TANC2: variants seen among roughly 807,000 people sequenced by gnomAD.
TANC2 encodes tetratricopeptide repeat, ankyrin repeat and coiled-coil containing 2, also known as protein TANC2.
TANC2 carries 26 observed loss-of-function variants against 210.5 expected under a neutral mutation model. That is an observed-to-expected ratio of 0.12 (90% confidence interval 0.09 to 0.17). TANC2 has a LOEUF of 0.17. Among genes scored for constraint, TANC2 ranks in the 10% least tolerant of loss-of-function variants. The pLI, the probability that TANC2 is intolerant of heterozygous loss-of-function variation, is 1.00. For missense variants in TANC2, 2,129 were observed against 2,608.9 expected (o/e 0.82, Z 4.01); for synonymous variants, 931 against 967.1 (o/e 0.96, Z 0.69).
intron 8 of TANC2, among the ~76,000 whole-genome samples, chr17:63,251,473 A>G (rs1214609717): frequency 6.6e-6 from 1 of 152,186 alleles, no homozygotes. Flanking sequence ...GATCTTTCCA[A>G]TATTTGTCTC....
At chr17:62,986,833 A>T (rs1341420168) in intron 1 of TANC2, among the ~76,000 whole-genome samples, 6 of 151,970 alleles carry the variant, frequency 3.9e-5, no homozygotes, top group Non-Finnish European at 8.8e-5. Context: ...ATTACCAGAC[A>T]GAGTGGCCTG....
intron 8 of TANC2, among the ~76,000 whole-genome samples, chr17:63,251,800 C>A (rs541406224): frequency 3.9e-5 from 6 of 152,196 alleles, no homozygotes; most frequent in African/African-American, 1.4e-4. Context: ...TCACTCAGTT[C>A]AGTGATGGCA....
intron 9 of TANC2, among the ~76,000 whole-genome samples, chr17:63,281,873 C>T (rs1380431909): frequency 2.6e-5 from 4 of 151,930 alleles, no homozygotes; most frequent in Admixed American, 6.6e-5. Flanking sequence ...GCTGTATAAG[C>T]CAAAGAACAC....
At chr17:63,032,921 C>T (rs766650455) in intron 2 of TANC2, among the ~76,000 whole-genome samples, 26 of 152,280 alleles carry the variant, frequency 1.7e-4, no homozygotes, top group African/African-American at 5.8e-4. Context: ...CTTCTTCTGA[C>T]CTACAAGCTA....
intron 1 of TANC2, among the ~76,000 whole-genome samples, chr17:62,996,994 T>TTTTTTTTTTTTTTTTTTTTTTTTTTG (rs2033144497): frequency 9.7e-5 from 14 of 143,746 alleles, no homozygotes; most frequent in Non-Finnish European, 1.5e-4. Flanking sequence ...TTTGTATTTT[T>TTTTTTTTTTTTTTTTTTTTTTTTTTG]AGTATAGATG....
Position 63,348,701 on chromosome 17 carries a change from C to G in TANC2, c.1808-2549C>G, listed in dbSNP as rs114381366. ...TGTTCTTACATGGCAAAATACGAAGCAGCAATCCTTTGTTAGTCCCCAATT... is the reference window on the plus strand; with the variant it reads ...TGTTCTTACATGGCAAAATACGAAGGAGCAATCCTTTGTTAGTCCCCAATT... On this transcript the variant is annotated intron_variant, in intron 12 of 27. Coordinates refer to ENST00000689528, the Ensembl canonical transcript of TANC2. Among the ~76,000 whole-genome samples the G allele has an allele frequency of 3.6e-3, 547 of 152,190 alleles. 6 individuals carry two copies. Among genetic ancestry groups the G allele is most frequent in the African/African-American group, 0.013 (539 of 41,522 alleles).
In TANC2 at chr17:63,216,848, A is replaced by G. The variant is rs145937028; in HGVS notation, c.769+15891A>G. Among the ~76,000 whole-genome samples, 75 of 152,328 alleles carry G rather than the reference A, an allele frequency of 4.9e-4. No individual in the cohort carries two copies. The East Asian group carries it at 0.012, about 24-fold the overall frequency. ...ATTCTGGTCTGTAAGACAAGTCTCA[A>G]TAAACTTAAGTGGACTCAAACTAAA... On this transcript the variant is annotated intron_variant, in intron 7 of 27. Coordinates refer to ENST00000689528, the Ensembl canonical transcript of TANC2.
intron 1 of TANC2, among the ~76,000 whole-genome samples, chr17:62,975,360 A>G (rs1013888671): frequency 6.6e-6 from 1 of 152,070 alleles, no homozygotes; most frequent in African/African-American, 2.4e-5. Flanking sequence ...CTGTAATTCT[A>G]TTTCTGTTCA....
chr17:63,359,923 A>G (rs1224361760), intron 14 of TANC2, among the ~76,000 whole-genome samples: 1 of 152,184 alleles, frequency 6.6e-6, no homozygotes, highest in African/African-American at 2.4e-5. Flanking sequence ...ATTGCTTATA[A>G]TAAGTGGTTT....
chr17:63,044,014 T>C (rs2035287644), intron 2 of TANC2, among the ~76,000 whole-genome samples: 3 of 152,194 alleles, frequency 2.0e-5, no homozygotes, highest in Admixed American at 2.0e-4. Flanking sequence ...GAATCTCATG[T>C]CACTTAAATT....
At chr17:63,283,297 T>G (rs2044117257) in intron 9 of TANC2, among the ~76,000 whole-genome samples, 1 of 152,024 alleles carries the variant, frequency 6.6e-6, no homozygotes, top group Admixed American at 6.6e-5. Context: ...GTTCTATTTC[T>G]GGACTTCTGT....
intron 4 of TANC2, among the ~76,000 whole-genome samples, chr17:63,128,104 A>G (rs2038778403): frequency 6.6e-6 from 1 of 152,220 alleles, no homozygotes; most frequent in Non-Finnish European, 1.5e-5. Context: ...GAAAGCACCT[A>G]TAAAAGAGTT....
chr17:63,181,495 A>G (rs1410693559), intron 5 of TANC2, among the ~76,000 whole-genome samples: 1 of 152,234 alleles, frequency 6.6e-6, no homozygotes, highest in Non-Finnish European at 1.5e-5. Context: ...GCCTACTGAA[A>G]TGGAACATTT....
rs187456238 is a variant in TANC2 at position 63,232,664 on chromosome 17, A to T, written c.770-5150A>T. On this transcript the variant is annotated intron_variant, in intron 7 of 27. Transcript: ENST00000689528. ...TCCATCCCAGAGGGGCACTGACCCG[A>T]TGTCAGCGGGAACCCTCCTGTATAA... Among the ~76,000 whole-genome samples, 372 of 152,298 alleles carry T rather than the reference A, an allele frequency of 2.4e-3. 13 individuals carry two copies. In the South Asian group the frequency reaches 0.066, roughly 27 times the overall value.
chr17:63,284,315 A>G (rs2044154336), intron 9 of TANC2, among the ~76,000 whole-genome samples: 1 of 151,932 alleles, frequency 6.6e-6, no homozygotes, highest in African/African-American at 2.4e-5. Context: ...ACTTTTTAAT[A>G]TATTGATGGA....
intron 21 of TANC2, 125 bp from the exon 22 acceptor site, chr17:63,411,386 C>T (rs2048698393): frequency 8.6e-6 from 8 of 932,478 alleles, no homozygotes; most frequent in Non-Finnish European, 1.3e-5. Flanking sequence ...CAGCATCAGT[C>T]TTAAAATGGA....
At chr17:63,209,017 A>C (rs1275570288) in intron 7 of TANC2, among the ~76,000 whole-genome samples, 2 of 149,152 alleles carry the variant, frequency 1.3e-5, no homozygotes, top group African/African-American at 4.9e-5. Context: ...TTTTTTTTTC[A>C]ATTTTTTTGA....
At chr17:63,184,717 G>C (rs1236133795) in intron 5 of TANC2, among the ~76,000 whole-genome samples, 2 of 149,452 alleles carry the variant, frequency 1.3e-5, no homozygotes, top group Admixed American at 6.7e-5. Flanking sequence ...GCAATGGCAC[G>C]ATCTCGGCTC....
At chr17:63,364,184 T>C (rs569572656) in intron 14 of TANC2, among the ~76,000 whole-genome samples, 2 of 152,220 alleles carry the variant, frequency 1.3e-5, no homozygotes, top group Non-Finnish European at 2.9e-5. Context: ...TGAACTCTAA[T>C]ATATATTTTG....
Sources: gnomAD v4.1 joint callset for allele counts (sites outside exome capture counted in the v4.1 genomes callset) on GRCh38, gnomAD v4.1.1 for gene constraint, MANE v1.5 for transcripts, NCBI Gene and HGNC (gene_info 2026-07-23, HGNC 2026-07-21) for gene names.